Variants in NUP153 observed in about 807,000 individuals in gnomAD.
The protein encoded by NUP153 is nucleoporin 153, also known as nuclear pore complex protein Nup153.
A neutral mutation model predicts 134.6 loss-of-function variants in NUP153; 27 were observed. The ratio of observed to expected loss-of-function variants is 0.20; its 90% confidence interval spans 0.15 to 0.28. The LOEUF (loss-of-function observed/expected upper bound fraction) is 0.28, where lower values mean the gene tolerates loss of function less well. Among genes scored for constraint, NUP153 ranks in the 10% least tolerant of loss-of-function variants. The probability of loss-of-function intolerance (pLI) is 1.00; values close to 1 mark genes in which losing one functional copy is unlikely to be tolerated. For synonymous variants in NUP153, 640 were observed against 623.5 expected (o/e 1.03, Z -0.40); for missense variants, 1,821 against 1,731.3 (o/e 1.05, Z -0.92).
At chr6:17,653,051 G>C (rs768399213) in intron 11 of NUP153, among the ~76,000 whole-genome samples, 11 of 152,164 alleles carry the variant, frequency 7.2e-5, no homozygotes, top group Admixed American at 3.3e-4. Flanking sequence ...TCAGGAGTTT[G>C]AGACCAGCCT....
chr6:17,691,439 T>C (rs973232385), intron 1 of NUP153, among the ~76,000 whole-genome samples: 2 of 152,148 alleles, frequency 1.3e-5, no homozygotes, highest in Non-Finnish European at 2.9e-5. Context: ...ACTTCAAGAC[T>C]TGAAAGTGTT....
intron 14 of NUP153, among the ~76,000 whole-genome samples, chr6:17,643,948 C>A (rs1313923851): frequency 6.6e-6 from 1 of 151,808 alleles, no homozygotes; most frequent in Non-Finnish European, 1.5e-5. Flanking sequence ...AAATTTAATC[C>A]TCTTGAATTA....
At chr6:17,642,266 T>A (rs1047559232) in intron 14 of NUP153, among the ~76,000 whole-genome samples, 1 of 152,082 alleles carries the variant, frequency 6.6e-6, no homozygotes, top group Non-Finnish European at 1.5e-5. Context: ...TTCAAGGAAA[T>A]TATCAAGAAA....
In NUP153 at chr6:17,624,786, G is replaced by A. The variant is rs906254777; in HGVS notation, c.3949C>T (p.Pro1317Ser). Reference sequence around the variant, plus strand: ...GGGGTCTGGTTAGCACCAAATGCTGGACTGGCAGATGGTGCTGAGGGTCCA... The same window carrying A: ...GGGGTCTGGTTAGCACCAAATGCTGAACTGGCAGATGGTGCTGAGGGTCCA... ...GTGPSAPSAS[P>S]AFGANQTPTF... Residue 1317 changes from proline (P) to serine (S), a missense_variant, in exon 20 of 22, where the codon CCA (proline) becomes TCA (serine). Pro to Ser is a moderately conservative substitution (Grantham distance 74). Transcript: ENST00000262077. The A allele has an allele frequency of 4.3e-6, 7 of 1,613,900 alleles. No homozygotes were observed. The highest frequency in any genetic ancestry group is 3.3e-5 in the South Asian group (3 of 91,072).
Position 17,647,881 on chromosome 6 carries a change from T to C in NUP153, c.1558A>G (p.Thr520Ala). ...GAAAATTTAAACATGGGACTGCCAG[T>C]GCTGCTCGGAGAGGTCATTTGTACC... is the stretch of plus-strand genomic sequence containing the variant. ...NKVQMTSPSS[T>A]GSPMFKFSSP... Residue 520 changes from threonine to alanine, a missense_variant, in exon 13 of 22, where the codon ACT becomes GCT. Physicochemically the swap from Thr to Ala is moderately conservative, Grantham distance 58 (BLOSUM62 0). Coordinates refer to ENST00000262077, the MANE Select transcript of NUP153 (RefSeq NM_005124.4). The C allele has an allele frequency of 5.6e-6, 9 of 1,613,352 alleles. No homozygotes were observed. The highest frequency in any genetic ancestry group is 7.6e-6 in the Non-Finnish European group (9 of 1,179,340).
At chr6:17,704,540 C>G (rs535727958) in intron 1 of NUP153, among the ~76,000 whole-genome samples, 2 of 152,058 alleles carry the variant, frequency 1.3e-5, no homozygotes, top group Non-Finnish European at 2.9e-5. Flanking sequence ...TAAATCTGCT[C>G]GCAAATACCC....
chr6:17,688,449 G>C lies in NUP153; in HGVS notation c.281C>G (p.Ser94Cys). 2 of 1,614,032 alleles carry C rather than the reference G, an allele frequency of 1.2e-6. No individual in the cohort carries two copies. The highest frequency in any genetic ancestry group is 2.2e-5 in the East Asian group (1 of 44,864). The change falls in exon 2 of 22, where the codon TCT becomes TGT. Residue 94 changes from serine to cysteine, a missense_variant. Coordinates refer to ENST00000262077, the MANE Select transcript of NUP153 (RefSeq NM_005124.4). ...TGTGATTCTCCCATCAGTAATATTA[G>C]AGCTCTCCTCATCGGCATATACCAG... is the stretch of plus-strand genomic sequence containing the variant. ...DHLVYADEES[S>C]NITDGRITPE...
At chr6:17,673,244 C>G (rs1191899188) in intron 5 of NUP153, among the ~76,000 whole-genome samples, 1 of 152,112 alleles carries the variant, frequency 6.6e-6, no homozygotes, top group Non-Finnish European at 1.5e-5. Flanking sequence ...TGGCAGGCAC[C>G]TGTAATCCCA....
intron 11 of NUP153, among the ~76,000 whole-genome samples, chr6:17,652,585 C>T (rs942587729): frequency 1.1e-4 from 16 of 152,180 alleles, no homozygotes; most frequent in African/African-American, 3.9e-4. Context: ...ATCCAGTCTT[C>T]ATAAAATTTA....
At chr6:17,694,418 G>T (rs144475380) in intron 1 of NUP153, among the ~76,000 whole-genome samples, 2 of 152,284 alleles carry the variant, frequency 1.3e-5, no homozygotes, top group African/African-American at 4.8e-5. Context: ...CAGCACTTCC[G>T]GAGGCCGACG....
intron 1 of NUP153, among the ~76,000 whole-genome samples, chr6:17,702,506 T>A (rs911956513): frequency 6.6e-6 from 1 of 151,186 alleles, no homozygotes; most frequent in East Asian, 1.9e-4. Context: ...AGACTCTGTC[T>A]CAAAAACAAA....
chr6:17,699,533 T>C (rs995484190), intron 1 of NUP153, among the ~76,000 whole-genome samples: 2 of 150,076 alleles, frequency 1.3e-5, no homozygotes, highest in Non-Finnish European at 3.0e-5. Flanking sequence ...TGCAATACTC[T>C]GTGCCTAATG....
At position 17,665,497 on chromosome 6, in the gene NUP153, A is replaced by C. The variant is rs1581727788; in HGVS notation, c.1069-112T>G. 9.0e-6 allele frequency: 7 copies of C among 777,512 alleles called. 1 individual carries two copies. The South Asian group carries it at 1.3e-4, about 14-fold the overall frequency. 48.2% of individuals were successfully genotyped at this position (777,512 alleles called of 1,614,324 possible). A position where few individuals can be genotyped will look rare whatever the true frequency, so the allele number is the denominator to read the frequency against. On this transcript the variant is annotated intron_variant, in intron 8 of 21. Transcript: ENST00000262077. Reference sequence around the variant, plus strand: ...AAAGACCATGAGTATTTCCCAGAGAAATATACAGTAGATACAAACAAATAA... The same window carrying C: ...AAAGACCATGAGTATTTCCCAGAGACATATACAGTAGATACAAACAAATAA...
At chr6:17,674,780 TATAA>T in intron 5 of NUP153, 121 bp downstream of exon 5, 1 of 876,902 alleles carries the variant, frequency 1.1e-6, no homozygotes, top group Non-Finnish European at 1.6e-6. Context: ...CTCGAAAAAA[TATAA>T]ATAAAAGAAA....
At chr6:17,626,211 C>CTCAGAAAGTACTTTTT in intron 18 of NUP153, 47 bp from the exon 19 acceptor site, 1 of 1,454,404 alleles carries the variant, frequency 6.9e-7, no homozygotes. Flanking sequence ...TAAGAATAGT[C>CTCAGAAAGTACTTTTT]TCAGAAAGTA....
In NUP153 at chr6:17,625,876, C is replaced by T. The variant is rs981373966; in HGVS notation, c.3833G>A (p.Gly1278Glu). The change falls in exon 19 of 22, where the codon GGA (glycine) becomes GAA (glutamate). Residue 1278 changes from glycine to glutamate, a missense_variant. Coordinates refer to ENST00000262077, the MANE Select transcript of NUP153 (RefSeq NM_005124.4). This position sits in a 1 kb window ranked among gnomAD's most constrained non-coding sequence, Gnocchi z 4.7. Reference sequence around the variant, plus strand: ...GGTGGTAGTATTATTACTGCTGGCTCCTGGACCAAAGACAAATGGGGTGAC... The same window carrying T: ...GGTGGTAGTATTATTACTGCTGGCTTCTGGACCAAAGACAAATGGGGTGAC... The part of the protein sequence containing the change: ...TAVTPFVFGP[G>E]ASSNNTTTSG... 6 of 1,614,212 alleles carry T rather than the reference C, an allele frequency of 3.7e-6. No homozygotes were observed. The South Asian group carries it at 6.6e-5, about 18-fold the overall frequency.
intron 2 of NUP153, among the ~76,000 whole-genome samples, chr6:17,681,969 A>G (rs1436078456): frequency 1.3e-5 from 2 of 151,948 alleles, no homozygotes; most frequent in East Asian, 1.9e-4. Flanking sequence ...CACTTTTAGG[A>G]GGCTGAGGCA....
Position 17,706,893 on chromosome 6 carries a change from G to A in NUP153, c.-506C>T, listed in dbSNP as rs1770541618. On this transcript the variant is annotated 5_prime_UTR_variant, in exon 1 of 22. Coordinates refer to ENST00000262077, the MANE Select transcript of NUP153 (RefSeq NM_005124.4). This position sits in a 1 kb window ranked among gnomAD's most constrained non-coding sequence, Gnocchi z 5.9. ...CGCCGCCGTTGCGCCTATTACCCCT[G>A]CTAAGGCGGCTGCCGCGGTCGCGAG... 1 of 158,462 alleles carries A rather than the reference G, an allele frequency of 6.3e-6. No individual in the cohort carries two copies. Among genetic ancestry groups the A allele is most frequent in the East Asian group, 1.9e-4 (1 of 5,230 alleles). 9.8% of individuals were successfully genotyped at this position (158,462 alleles called of 1,614,324 possible). A position where few individuals can be genotyped will look rare whatever the true frequency, so the allele number is the denominator to read the frequency against.
intron 20 of NUP153, among the ~76,000 whole-genome samples, chr6:17,624,232 A>G (rs1156452420): frequency 1.3e-5 from 2 of 152,184 alleles, no homozygotes; most frequent in Non-Finnish European, 2.9e-5. Context: ...CGCAAATCCA[A>G]TCATAAACAG....
Sources: gnomAD v4.1 joint callset for allele counts (sites outside exome capture counted in the v4.1 genomes callset) on GRCh38, gnomAD v4.1.1 for gene constraint, Gnocchi (gnomAD v3.1) non-coding constraint, MANE v1.5 for transcripts, NCBI Gene and HGNC (gene_info 2026-07-23, HGNC 2026-07-21) for gene names.